Variants in CAMTA1 observed in about 807,000 individuals in gnomAD.
CAMTA1 encodes the protein calmodulin binding transcription activator 1.
CAMTA1 carries 27 observed loss-of-function variants against 170.9 expected under a neutral mutation model. That is an observed-to-expected ratio of 0.16 (90% CI 0.12 to 0.22). The LOEUF is 0.22. Among genes scored for constraint, CAMTA1 ranks in the 10% least tolerant of loss-of-function variants. The pLI is 1.00. For missense variants in CAMTA1, 1,619 were observed against 2,217.2 expected, an observed-to-expected ratio of 0.73 and a Z score of 5.42; for synonymous variants, 833 against 891.5, an observed-to-expected ratio of 0.93 and a Z score of 1.17.
intron 6 of CAMTA1, among the ~76,000 whole-genome samples, chr1:7,600,674 G>T (rs1180029464): frequency 6.6e-6 from 1 of 151,678 alleles, no homozygotes; most frequent in Non-Finnish European, 1.5e-5. Context: ...ATTAGGGAGT[G>T]GTGATGACTC....
At chr1:7,323,530 T>A (rs1678798113) in intron 5 of CAMTA1, among the ~76,000 whole-genome samples, 1 of 136,014 alleles carries the variant, frequency 7.4e-6, no homozygotes, top group Non-Finnish European at 1.6e-5. Flanking sequence ...TTTTTTTTTT[T>A]TTATCTTTTT....
intron 4 of CAMTA1, among the ~76,000 whole-genome samples, chr1:7,124,297 AGGTGCTACCGACG>A (rs890895539): frequency 1.3e-5 from 2 of 152,096 alleles, no homozygotes; most frequent in African/African-American, 2.4e-5. Flanking sequence ...TTCCCACCGT[AGGTGCTACCGACG>A]GGTGCAGCAT....
intron 3 of CAMTA1, among the ~76,000 whole-genome samples, chr1:6,937,913 C>T (rs1478219522): frequency 2.0e-5 from 3 of 152,258 alleles, no homozygotes; most frequent in African/African-American, 7.2e-5. Flanking sequence ...ACTACCACCA[C>T]TACCACCTCA....
At chr1:7,142,657 A>G (rs1645955646) in intron 4 of CAMTA1, among the ~76,000 whole-genome samples, 1 of 152,180 alleles carries the variant, frequency 6.6e-6, no homozygotes, top group Non-Finnish European at 1.5e-5. Context: ...TGTTTAAAAG[A>G]GCCTGGCACA....
At chr1:7,084,590 G>T (rs939097602) in intron 3 of CAMTA1, among the ~76,000 whole-genome samples, 3 of 152,246 alleles carry the variant, frequency 2.0e-5, no homozygotes, top group Non-Finnish European at 4.4e-5. Flanking sequence ...TGGACCGAGG[G>T]GGGCAGGGGG....
chr1:7,149,641 CG>C (rs1558170479), intron 4 of CAMTA1, among the ~76,000 whole-genome samples: 1 of 152,134 alleles, frequency 6.6e-6, no homozygotes, highest in Non-Finnish European at 1.5e-5. Context: ...AGCTAGTCCC[CG>C]ACACACACTG....
intron 6 of CAMTA1, among the ~76,000 whole-genome samples, chr1:7,512,703 G>A (rs886445605): frequency 2.0e-5 from 3 of 152,200 alleles, no homozygotes; most frequent in Non-Finnish European, 4.4e-5. Context: ...CCCAGCATCC[G>A]TAACATAGAG....
At chr1:7,160,760 C>G (rs1647166772) in intron 4 of CAMTA1, among the ~76,000 whole-genome samples, 1 of 152,144 alleles carries the variant, frequency 6.6e-6, no homozygotes, top group East Asian at 1.9e-4. Flanking sequence ...GAACAGTAAC[C>G]CCATTTGACT....
At chr1:7,605,650 G>A (rs140389187) in intron 6 of CAMTA1, among the ~76,000 whole-genome samples, 191 of 152,272 alleles carry the variant, frequency 1.3e-3, no homozygotes, top group African/African-American at 3.9e-3. Flanking sequence ...GTGATGCCTC[G>A]CCCTGCTTCA....
chr1:7,646,249 C>T (rs1012761242), intron 7 of CAMTA1, among the ~76,000 whole-genome samples: 1 of 130,664 alleles, frequency 7.7e-6, no homozygotes, highest in Non-Finnish European at 1.6e-5. Flanking sequence ...AGGCCCTGCC[C>T]TGGTGAGTTG....
At chr1:7,204,458 TGTGA>T (rs1573876399) in intron 4 of CAMTA1, among the ~76,000 whole-genome samples, 2 of 152,238 alleles carry the variant, frequency 1.3e-5, no homozygotes, top group African/African-American at 4.8e-5. Flanking sequence ...TATACATATT[TGTGA>T]GTTTCTCCCA....
At chr1:7,584,359 C>G (rs770324507) in intron 6 of CAMTA1, among the ~76,000 whole-genome samples, 128 of 152,096 alleles carry the variant, frequency 8.4e-4, no homozygotes, top group Middle Eastern at 3.4e-3. Context: ...GCTGAACTGT[C>G]TCGCTCGGAT....
intron 4 of CAMTA1, among the ~76,000 whole-genome samples, chr1:7,094,947 G>A (rs983080820): frequency 6.6e-6 from 1 of 152,088 alleles, no homozygotes; most frequent in Non-Finnish European, 1.5e-5. Flanking sequence ...GGAAAGAAGA[G>A]TGTCCTCTGT....
intron 5 of CAMTA1, among the ~76,000 whole-genome samples, chr1:7,255,502 G>GT (rs1011080461): frequency 2.0e-5 from 3 of 151,180 alleles, no homozygotes; most frequent in Non-Finnish European, 4.4e-5. Flanking sequence ...ATTCTCCCCC[G>GT]CCCCGCCCCA....
chr1:7,488,783 G>A (rs1339009316), intron 6 of CAMTA1, among the ~76,000 whole-genome samples: 1 of 151,374 alleles, frequency 6.6e-6, no homozygotes, highest in Non-Finnish European at 1.5e-5. Context: ...CTTGTAATTT[G>A]CAATATAAAT....
chr1:7,447,484 C>G (rs1032738412), intron 5 of CAMTA1, among the ~76,000 whole-genome samples: 1 of 151,964 alleles, frequency 6.6e-6, no homozygotes, highest in Non-Finnish European at 1.5e-5. Context: ...AGCCACGGTG[C>G]CAGCTTTCAG....
chr1:7,352,947 G>A (rs1349323207), intron 5 of CAMTA1, among the ~76,000 whole-genome samples: 1 of 152,204 alleles, frequency 6.6e-6, no homozygotes, highest in Non-Finnish European at 1.5e-5. Context: ...TGGGATTAAT[G>A]CAGTTAGGAT....
In CAMTA1 at chr1:7,234,454, G is replaced by A. The variant is rs147094037; in HGVS notation, c.303-15037G>A. ...GCCTGCCCAGGGCGGGCCTCTGTGC[G>A]TCATTGTTCTTCCTCCCTACCGGAC... On this transcript the variant is annotated intron_variant, in intron 4 of 22. Transcript: ENST00000303635. This position sits in a 1 kb window ranked among gnomAD's most constrained non-coding sequence, Gnocchi z 5.0. Among the ~76,000 whole-genome samples the A allele has an allele frequency of 7.9e-5, 12 of 152,168 alleles. No homozygotes were observed. In the South Asian group the frequency reaches 2.3e-3, roughly 29 times the overall value.
rs150799813 is a variant in CAMTA1 at position 6,915,276 on chromosome 1, C to T, written c.234+90066C>T. ...AGAGATTAGATTTTTTTACTCCTTTCACTCCAGGAACCTAAAAGCCAAACT... is the reference window on the plus strand; with the variant it reads ...AGAGATTAGATTTTTTTACTCCTTTTACTCCAGGAACCTAAAAGCCAAACT... On this transcript the variant is annotated intron_variant, in intron 3 of 22. Transcript: ENST00000303635. 5.3e-5 allele frequency among the ~76,000 whole-genome samples: 8 copies of T among 152,288 alleles called. No individual in the cohort carries two copies. The East Asian group carries it at 1.5e-3, about 29-fold the overall frequency.
Sources: gnomAD v4.1 joint callset for allele counts (sites outside exome capture counted in the v4.1 genomes callset) on GRCh38, gnomAD v4.1.1 for gene constraint, Gnocchi (gnomAD v3.1) non-coding constraint, MANE v1.5 for transcripts, NCBI Gene and HGNC (gene_info 2026-07-23, HGNC 2026-07-21) for gene names.